Variants in SBF2 observed in about 807,000 individuals in gnomAD.
The protein encoded by SBF2 is SET binding factor 2, also known as myotubularin-related protein 13.
In SBF2, 112 loss-of-function variants were observed where a neutral mutation model predicts 225.2. The ratio of observed to expected loss-of-function variants is 0.50; its 90% CI spans 0.43 to 0.58. The LOEUF (loss-of-function observed/expected upper bound fraction) is 0.58, where lower values mean the gene tolerates loss of function less well. Ranked by LOEUF, SBF2 falls within the 20% of genes least tolerant of loss-of-function variation. The probability of loss-of-function intolerance (pLI) is 0.00; values close to 1 mark genes in which losing one functional copy is unlikely to be tolerated. For missense variants in SBF2, 1,996 were observed against 2,206.2 expected, an observed-to-expected ratio of 0.90 and a Z score of 1.91; for synonymous variants, 763 against 773.3, an observed-to-expected ratio of 0.99 and a Z score of 0.22.
At chr11:9,943,956 T>C (rs1342559348) in intron 16 of SBF2, among the ~76,000 whole-genome samples, 3 of 152,220 alleles carry the variant, frequency 2.0e-5, no homozygotes, top group African/African-American at 7.2e-5. Context: ...CTGTGTTTAG[T>C]TACAACACCG....
chr11:10,180,559 G>A (rs1330915224), intron 2 of SBF2, among the ~76,000 whole-genome samples: 1 of 151,920 alleles, frequency 6.6e-6, no homozygotes, highest in Non-Finnish European at 1.5e-5. Flanking sequence ...TTCTTCTTTG[G>A]ATTAAATCTG....
At chr11:10,058,315 G>C (rs1318136724) in intron 2 of SBF2, among the ~76,000 whole-genome samples, 5 of 152,108 alleles carry the variant, frequency 3.3e-5, no homozygotes, top group African/African-American at 1.2e-4. Context: ...GTATGAAAAA[G>C]AACCTAACAG....
intron 2 of SBF2, among the ~76,000 whole-genome samples, chr11:10,075,961 G>C (rs901173705): frequency 6.6e-6 from 1 of 151,842 alleles, no homozygotes; most frequent in African/African-American, 2.4e-5. Context: ...CACCCACTCA[G>C]AAATAGCAAA....
intron 1 of SBF2, among the ~76,000 whole-genome samples, chr11:10,226,118 T>C (rs963095049): frequency 1.3e-5 from 2 of 152,148 alleles, no homozygotes; most frequent in Non-Finnish European, 2.9e-5. Context: ...AATTATGGCA[T>C]ATTCATGGTC....
chr11:10,173,012 C>A (rs1476461653), intron 2 of SBF2, among the ~76,000 whole-genome samples: 6 of 152,182 alleles, frequency 3.9e-5, no homozygotes, highest in Admixed American at 3.9e-4. Flanking sequence ...GGTCATTCAG[C>A]AGCATATTGT....
At chr11:9,918,843 A>G (rs961954016) in intron 16 of SBF2, among the ~76,000 whole-genome samples, 5 of 151,064 alleles carry the variant, frequency 3.3e-5, no homozygotes, top group Non-Finnish European at 5.9e-5. Flanking sequence ...AGTTCACGCC[A>G]TTCTCCTGCC....
rs1962469742 is a variant in SBF2 at position 10,271,212 on chromosome 11, T to C, written c.55+22803A>G. Reference sequence around the variant, plus strand: ...ATCTTGATTCTTTTTTTTTTTTTTTTTTGAAGTTAAGAATTCTTTTAGGTT... The same window carrying C: ...ATCTTGATTCTTTTTTTTTTTTTTTCTTGAAGTTAAGAATTCTTTTAGGTT... On this transcript the variant is annotated intron_variant, in intron 1 of 39. Transcript: ENST00000256190. Among the ~76,000 whole-genome samples, 2 of 43,646 alleles carry C rather than the reference T, an allele frequency of 4.6e-5. 1 individual carries two copies. The highest frequency in any genetic ancestry group is 1.4e-4 in the Non-Finnish European group (2 of 14,214). The allele number at this position is 43,646 out of a possible 152,430, so 28.6% of individuals were successfully genotyped here. A position where few individuals can be genotyped will look rare whatever the true frequency, so the allele number is the denominator to read the frequency against.
At chr11:9,841,330 T>C (rs1157755670) in intron 25 of SBF2, among the ~76,000 whole-genome samples, 1 of 152,134 alleles carries the variant, frequency 6.6e-6, no homozygotes, top group African/African-American at 2.4e-5. Flanking sequence ...TAAAAAAAAT[T>C]GAGTTAGAAG....
At chr11:9,803,602 CT>C (rs1391473275) in intron 32 of SBF2, among the ~76,000 whole-genome samples, 1 of 152,150 alleles carries the variant, frequency 6.6e-6, no homozygotes, top group African/African-American at 2.4e-5. Context: ...CTATCTCTTA[CT>C]GATTGTGAGT....
intron 1 of SBF2, among the ~76,000 whole-genome samples, chr11:10,252,236 G>C (rs1960423804): frequency 6.6e-6 from 1 of 152,188 alleles, no homozygotes; most frequent in Admixed American, 6.5e-5. Flanking sequence ...TGGTGATAGT[G>C]ACATCAATAA....
intron 16 of SBF2, chr11:9,960,119 T>C (rs116026260): frequency 0.014 from 2,358 of 174,152 alleles, 68 homozygotes; most frequent in African/African-American, 0.053. Context: ...CTCAGCTACC[T>C]GAGTAGCTGG....
intron 35 of SBF2, among the ~76,000 whole-genome samples, chr11:9,788,852 G>A (rs1051345576): frequency 9.3e-5 from 14 of 150,736 alleles, no homozygotes; most frequent in African/African-American, 2.9e-4. Flanking sequence ...TGATCTGCCC[G>A]CCTCAGCCTC....
chr11:10,060,400 C>G (rs1327973001), intron 2 of SBF2, among the ~76,000 whole-genome samples: 1 of 152,164 alleles, frequency 6.6e-6, no homozygotes, highest in African/African-American at 2.4e-5. Context: ...AGCCTACCAA[C>G]CAAAGAAAAG....
At chr11:9,936,144 A>G (rs1047669617) in intron 16 of SBF2, among the ~76,000 whole-genome samples, 5 of 152,250 alleles carry the variant, frequency 3.3e-5, no homozygotes, top group Admixed American at 1.3e-4. Context: ...TGGGTGAAGT[A>G]TATCAACAGA....
chr11:9,857,783 T>C (rs540728684), intron 18 of SBF2, among the ~76,000 whole-genome samples: 3 of 152,340 alleles, frequency 2.0e-5, no homozygotes, highest in African/African-American at 4.8e-5. Flanking sequence ...TGATAAAACA[T>C]AGAGAAACAT....
At chr11:9,944,971 G>A (rs1865481541) in intron 16 of SBF2, among the ~76,000 whole-genome samples, 1 of 152,048 alleles carries the variant, frequency 6.6e-6, no homozygotes, top group South Asian at 2.1e-4. Flanking sequence ...CAAGTGTGGT[G>A]GCACATGCTT....
intron 25 of SBF2, among the ~76,000 whole-genome samples, chr11:9,840,298 C>G (rs1327216886): frequency 6.7e-6 from 1 of 149,616 alleles, no homozygotes; most frequent in Non-Finnish European, 1.5e-5. Flanking sequence ...AAGACTCTTA[C>G]ACCAAGACAG....
chr11:9,877,101 G>GT (rs1393945412), intron 17 of SBF2, among the ~76,000 whole-genome samples: 2 of 152,094 alleles, frequency 1.3e-5, no homozygotes, highest in Admixed American at 6.6e-5. Context: ...ATTTAGGACA[G>GT]TTTTTTGCTC....
At chr11:10,117,125 A>G (rs1009441149) in intron 2 of SBF2, among the ~76,000 whole-genome samples, 7 of 152,210 alleles carry the variant, frequency 4.6e-5, no homozygotes, top group Non-Finnish European at 1.0e-4. Context: ...GTACTGATAC[A>G]TGAAGTAAGG....
Sources: gnomAD v4.1 joint callset for allele counts (sites outside exome capture counted in the v4.1 genomes callset) on GRCh38, gnomAD v4.1.1 for gene constraint, MANE v1.5 for transcripts, NCBI Gene and HGNC (gene_info 2026-07-23, HGNC 2026-07-21) for gene names.